The following KLRG1 variants were observed in gnomAD, a reference collection of about 807,000 sequenced individuals.
The protein encoded by KLRG1 is killer cell lectin-like receptor subfamily G member 1.
In KLRG1, 16 loss-of-function variants were observed where a neutral mutation model predicts 21.8. The observed-to-expected ratio is 0.73, with a 90% CI of 0.50 to 1.11. KLRG1 has a LOEUF of 1.11. Among genes scored for constraint, KLRG1 ranks in the 50% most tolerant of loss-of-function variants. The pLI, the probability that KLRG1 is intolerant of heterozygous loss-of-function variation, is 0.00. For missense variants in KLRG1, 173 were observed against 218.3 expected (o/e 0.79, Z 1.31); for synonymous variants, 69 against 75.9 (o/e 0.91, Z 0.47).
intron 3 of KLRG1, among the ~76,000 whole-genome samples, chr12:9,006,436 G>A (rs1947476680): frequency 6.6e-6 from 1 of 152,180 alleles, no homozygotes; most frequent in Non-Finnish European, 1.5e-5. Context: ...AATGACCTTG[G>A]CATGTTAAAG....
the KLRG1 span, among the ~76,000 whole-genome samples, chr12:9,123,814 T>A: frequency 1.8e-3 from 264 of 144,106 alleles, no homozygotes; most frequent in African/African-American, 7.0e-3. Context: ...TTAAACTTTA[T>A]AGTAATTTCC....
chr12:9,068,664 C>G, the KLRG1 span: 1 of 1,169,686 alleles, frequency 8.5e-7, no homozygotes, highest in Non-Finnish European at 1.2e-6. Flanking sequence ...TAATAAATAA[C>G]CCCAACACAT....
chr12:8,973,950 CTT>C (rs1946613571), intron 1 of KLRG1, among the ~76,000 whole-genome samples: 2 of 151,674 alleles, frequency 1.3e-5, no homozygotes, highest in Admixed American at 1.3e-4. Context: ...TTTGTTGAGT[CTT>C]TTAGTTTTCT....
the KLRG1 span, among the ~76,000 whole-genome samples, chr12:9,163,296 CAAAAAA>C: frequency 2.2e-5 from 3 of 134,440 alleles, no homozygotes; most frequent in Admixed American, 1.5e-4. Flanking sequence ...ACTAAAAATA[CAAAAAA>C]AAAAAAAAAA....
At chr12:9,151,567 C>G in the KLRG1 span, 4 of 1,567,422 alleles carry the variant, frequency 2.6e-6, no homozygotes, top group African/African-American at 1.4e-5. Context: ...GAAAGACGAC[C>G]CATATGTAGT....
At chr12:9,094,298 G>A in the KLRG1 span, among the ~76,000 whole-genome samples, 1 of 138,950 alleles carries the variant, frequency 7.2e-6, no homozygotes, top group Non-Finnish European at 1.5e-5. Flanking sequence ...AGGGTGTGCT[G>A]GTCAATATTT....
At chr12:9,169,522 G>T in the KLRG1 span, 4 of 1,612,770 alleles carry the variant, frequency 2.5e-6, no homozygotes, top group Middle Eastern at 1.6e-4. Flanking sequence ...CAGTGTCCTT[G>T]TTCTTCCTCC....
chr12:9,072,327 T>C, the KLRG1 span: 1 of 1,608,530 alleles, frequency 6.2e-7, no homozygotes, highest in South Asian at 1.1e-5. Flanking sequence ...TGGTTATTCT[T>C]AGGATTAGGT....
At chr12:9,149,060 G>T in the KLRG1 span, 2 of 1,423,764 alleles carry the variant, frequency 1.4e-6, no homozygotes, top group Non-Finnish European at 2.0e-6. Flanking sequence ...TTGAGTGTGG[G>T]CAGCAGAGTG....
Position 9,009,479 on chromosome 12 carries a change from T to C in KLRG1, c.512T>C (p.Leu171Pro), listed in dbSNP as rs1275737281. ...QTCGAINKNG[L>P]QASSCEVPLH... ...TGCGGTGCCATCAACAAAAATGGTC[T>C]TCAAGCCTCAAGCTGTGAAGTTCCT... The change falls in exon 5 of 5, where the codon CTT (leucine) becomes CCT (proline). Residue 171 changes from leucine (L) to proline (P), a missense_variant. Leu to Pro is a moderately conservative substitution (Grantham distance 98). This residue lies in a region of KLRG1 where 26 missense variants were observed against 36.9 expected (regional missense o/e 0.70). Coordinates refer to ENST00000356986, the MANE Select transcript of KLRG1 (RefSeq NM_005810.4). 3.1e-6 allele frequency: 5 copies of C among 1,613,886 alleles called. No homozygotes were observed. Among genetic ancestry groups the C allele is most frequent in the Non-Finnish European group, 3.4e-6 (4 of 1,179,934 alleles).
chr12:9,141,754 A>G, the KLRG1 span, among the ~76,000 whole-genome samples: 42 of 152,212 alleles, frequency 2.8e-4, 1 homozygote, highest in Admixed American at 5.9e-4. Flanking sequence ...TACATGTTAC[A>G]CTGTTAACTT....
the KLRG1 span, among the ~76,000 whole-genome samples, chr12:9,074,087 TAAAAAAA>T: frequency 2.3e-5 from 3 of 131,582 alleles, no homozygotes; most frequent in Non-Finnish European, 3.2e-5. Context: ...GACTCTGTCT[TAAAAAAA>T]AAAAAAAAAA....
chr12:9,128,372 G>T, the KLRG1 span: 2 of 156,776 alleles, frequency 1.3e-5, no homozygotes, highest in South Asian at 3.6e-4. Flanking sequence ...CCGAGTCGCG[G>T]ACCGGTGGCG....
the KLRG1 span, chr12:9,197,130 C>A: frequency 3.8e-6 from 6 of 1,571,034 alleles, no homozygotes; most frequent in East Asian, 6.8e-5. Flanking sequence ...GTATCTGGTA[C>A]ATGAGAAATA....
the KLRG1 span, among the ~76,000 whole-genome samples, chr12:9,195,960 T>C: frequency 1.1e-3 from 170 of 152,100 alleles, no homozygotes; most frequent in Non-Finnish European, 1.1e-3. Flanking sequence ...TCAACAGATA[T>C]AAAAAGAACA....
chr12:9,184,134 CAT>C, the KLRG1 span, among the ~76,000 whole-genome samples: 3 of 152,226 alleles, frequency 2.0e-5, no homozygotes, highest in Non-Finnish European at 4.4e-5. Flanking sequence ...TTTGCCAACA[CAT>C]GTGTGTGTGT....
the KLRG1 span, chr12:9,167,641 A>C: frequency 6.6e-6 from 1 of 152,154 alleles, no homozygotes; most frequent in Non-Finnish European, 1.5e-5. Flanking sequence ...AAGATATTTC[A>C]GTTTTCTTAG....
chr12:9,153,212 G>A, the KLRG1 span: 1 of 1,614,180 alleles, frequency 6.2e-7, no homozygotes, highest in Non-Finnish European at 8.5e-7. Context: ...GTAATAGGAG[G>A]TTGTTGTTGT....
intron 3 of KLRG1, among the ~76,000 whole-genome samples, chr12:9,008,654 C>T (rs1947548406): frequency 6.6e-6 from 1 of 151,936 alleles, no homozygotes; most frequent in Non-Finnish European, 1.5e-5. Flanking sequence ...CCTCACTTGG[C>T]AAAGAGAGTG....
Sources: allele counts gnomAD v4.1 joint callset (sites outside exome capture counted in the v4.1 genomes callset), GRCh38; gene constraint gnomAD v4.1.1; regional missense constraint gnomAD v4.1.1; transcripts MANE v1.5; gene names NCBI Gene and HGNC (gene_info 2026-07-23, HGNC 2026-07-21).